The following BRAF variants were observed in gnomAD, a reference collection of about 807,000 sequenced individuals.
The protein encoded by BRAF is B-Raf proto-oncogene, serine/threonine kinase.
Under a neutral mutation model 104.6 loss-of-function variants are expected in BRAF, and 16 were observed. The observed-to-expected ratio is 0.15, with a 90% confidence interval of 0.10 to 0.23. The LOEUF (loss-of-function observed/expected upper bound fraction) is 0.23, where lower values mean the gene tolerates loss of function less well. BRAF is among the 10% of genes least tolerant of loss of function. The pLI is 1.00. For synonymous variants in BRAF, 310 were observed against 341.6 expected (o/e 0.91, Z 1.02); for missense variants, 541 against 937.3 (o/e 0.58, Z 5.52).
At chr7:140,787,606 T>C (rs373680409) in intron 8 of BRAF, 22 bp from the exon 9 acceptor site, 14 of 1,601,738 alleles carry the variant, frequency 8.7e-6, no homozygotes, top group Non-Finnish European at 1.2e-5. Flanking sequence ...TAGTAATGTA[T>C]ATTTATTCCA....
intron 8 of BRAF, 21 bp from the exon 9 acceptor site, chr7:140,787,605 A>G (rs1285775712): frequency 8.1e-6 from 13 of 1,596,878 alleles, no homozygotes; most frequent in Middle Eastern, 1.7e-4. Flanking sequence ...ATAGTAATGT[A>G]TATTTATTCC....
intron 14 of BRAF, among the ~76,000 whole-genome samples, chr7:140,770,184 G>T (rs375651213): frequency 2.0e-5 from 3 of 151,628 alleles, no homozygotes; most frequent in African/African-American, 7.3e-5. Flanking sequence ...TATTTTTACC[G>T]ACCAGAAAAT....
intron 3 of BRAF, among the ~76,000 whole-genome samples, chr7:140,827,466 C>T (rs1806186518): frequency 6.6e-6 from 1 of 152,088 alleles, no homozygotes; most frequent in South Asian, 2.1e-4. Context: ...AGAATAGGTC[C>T]ATAGTTAAAA....
At chr7:140,799,992 CTGACTGGTGTGATAAAATAAGTTATT>C in intron 7 of BRAF, 1 of 403,920 alleles carries the variant, frequency 2.5e-6, no homozygotes, top group South Asian at 2.6e-5. Flanking sequence ...AAGTAAATAT[CTGACTGGTGTGATAAAATAAGTTATT>C]TGGGGAAAAG....
rs766830664 is a variant in BRAF, at chr7:140,792,913, T to C, written c.1140+1395A>G. ...AAAAGTTTTGGAACAAGAGAACAGATGATGCTAGAAGTGTAAAAAAATTCT... is the reference window on the plus strand; with the variant it reads ...AAAAGTTTTGGAACAAGAGAACAGACGATGCTAGAAGTGTAAAAAAATTCT... On this transcript the variant is annotated intron_variant, in intron 8 of 19. Coordinates refer to ENST00000644969, the MANE Select transcript of BRAF (RefSeq NM_001374258.1). Among the ~76,000 whole-genome samples, 12 of 152,252 alleles carry C rather than the reference T, an allele frequency of 7.9e-5. 1 individual carries two copies. The highest frequency in any genetic ancestry group is 3.4e-3 in the Middle Eastern group (1 of 294).
Position 140,827,415 on chromosome 7 carries a change from G to C in BRAF, c.504+7194C>G, listed in dbSNP as rs116491599. On this transcript the variant is annotated intron_variant, in intron 3 of 19. Transcript: ENST00000644969. ...CCACTTCATGGCTTGAGGGTTCCTG[G>C]ACAATGCAGGCAGTATAAATTTGAA... 4.1e-3 allele frequency among the ~76,000 whole-genome samples: 617 copies of C among 152,256 alleles called. 7 individuals are homozygous for C. The highest frequency in any genetic ancestry group is 0.014 in the African/African-American group (572 of 41,532).
At chr7:140,786,713 A>G (rs80191287) in intron 9 of BRAF, among the ~76,000 whole-genome samples, 8,644 of 152,246 alleles carry the variant, frequency 0.057, 287 homozygotes, top group South Asian at 0.11. Context: ...ACACTTCCAG[A>G]AAGTTGAAGG....
At chr7:140,727,643 C>T (rs1416170155) in intron 19 of BRAF, among the ~76,000 whole-genome samples, 4 of 150,142 alleles carry the variant, frequency 2.7e-5, no homozygotes, top group Middle Eastern at 6.9e-3. Flanking sequence ...TTTTTTGAGA[C>T]GGAGTCTTGC....
chr7:140,909,666 A>C lies in BRAF; in HGVS notation c.138+14900T>G, dbSNP rs144477670. Among the ~76,000 whole-genome samples the C allele has an allele frequency of 6.6e-5, 10 of 152,234 alleles. No homozygotes were observed. In the East Asian group the frequency reaches 1.7e-3, roughly 26 times the overall value. On this transcript the variant is annotated intron_variant, in intron 1 of 19. Coordinates refer to ENST00000644969, the MANE Select transcript of BRAF (RefSeq NM_001374258.1). ...GTGGAGTACTCCTGATAAAGTTCTG[A>C]ACAAAAACTTTAACATTCCTCCAAT... is the stretch of plus-strand genomic sequence containing the variant.
chr7:140,734,923 T>A (rs1796288188), intron 18 of BRAF, among the ~76,000 whole-genome samples, 153 bp from the exon 18 acceptor site: 1 of 152,022 alleles, frequency 6.6e-6, no homozygotes, highest in Non-Finnish European at 1.5e-5. Context: ...CCTGAAATCT[T>A]ACATTGTTTT....
intron 1 of BRAF, among the ~76,000 whole-genome samples, chr7:140,886,223 T>A (rs1483421758): frequency 1.3e-5 from 2 of 152,218 alleles, no homozygotes; most frequent in African/African-American, 4.8e-5. Flanking sequence ...CTGTCATGAC[T>A]CTAGTCAAAA....
At chr7:140,870,247 G>A (rs980827546) in intron 1 of BRAF, among the ~76,000 whole-genome samples, 11 of 152,070 alleles carry the variant, frequency 7.2e-5, no homozygotes, top group African/African-American at 2.7e-4. Flanking sequence ...CAGCTATCCT[G>A]ACATCTGTTG....
Position 140,722,735 on chromosome 7 carries a change from T to C in BRAF, c.*3759A>G, listed in dbSNP as rs28729439. The C allele has an allele frequency of 1.0e-3, 1,080 of 1,050,704 alleles. 14 individuals carry two copies. In the African/African-American group the frequency reaches 0.016, roughly 15 times the overall value. The allele number at this position is 1,050,704 out of a possible 1,614,324, so 65.1% of individuals were successfully genotyped here. A position where few individuals can be genotyped will look rare whatever the true frequency, so the allele number is the denominator to read the frequency against. ...TGACAAAGCTGCAGCAAACTCATTA[T>C]GAGGATGTACTGTCATGCCAAGCCT... On this transcript the variant is annotated 3_prime_UTR_variant, in exon 20 of 20. Coordinates refer to ENST00000644969, the MANE Select transcript of BRAF (RefSeq NM_001374258.1).
chr7:140,790,467 TCAAA>T (rs1259776535), intron 8 of BRAF, among the ~76,000 whole-genome samples: 2 of 152,174 alleles, frequency 1.3e-5, no homozygotes, highest in Admixed American at 6.5e-5. Flanking sequence ...ACAAAAGCCA[TCAAA>T]CAACTTTTCT....
At chr7:140,921,639 G>T (rs1437485398) in intron 1 of BRAF, among the ~76,000 whole-genome samples, 1 of 151,796 alleles carries the variant, frequency 6.6e-6, no homozygotes, top group South Asian at 2.1e-4. Context: ...AGAACAGATG[G>T]AATACACCAA....
At chr7:140,850,336 T>C in intron 1 of BRAF, 124 bp from the exon 2 acceptor site, 1 of 704,444 alleles carries the variant, frequency 1.4e-6, no homozygotes, top group Non-Finnish European at 2.4e-6. Context: ...TTAGAGATCA[T>C]TTAGTACAGT....
In BRAF at chr7:140,722,793, A is replaced by C. The variant is rs1795379703; in HGVS notation, c.*3701T>G. 1 of 1,052,834 alleles carries C rather than the reference A, an allele frequency of 9.5e-7. No individual in the cohort carries two copies. The highest frequency in any genetic ancestry group is 4.6e-5 in the South Asian group (1 of 21,876). The allele number at this position is 1,052,834 out of a possible 1,614,324, so 65.2% of individuals were successfully genotyped here. On this transcript the variant is annotated 3_prime_UTR_variant, in exon 20 of 20. Transcript: ENST00000644969. ...ATTAAAATTACATCACTGTTAGTGAAGTGATACCACAGCTATTTAATTTCA... is the reference window on the plus strand; with the variant it reads ...ATTAAAATTACATCACTGTTAGTGACGTGATACCACAGCTATTTAATTTCA...
chr7:140,797,938 A>G (rs1161778130), intron 7 of BRAF, among the ~76,000 whole-genome samples: 3 of 152,244 alleles, frequency 2.0e-5, no homozygotes, highest in East Asian at 1.9e-4. Flanking sequence ...TGACTCCACT[A>G]GAAGAGATAA....
chr7:140,853,500 T>C (rs1364235497), intron 1 of BRAF, among the ~76,000 whole-genome samples: 1 of 152,128 alleles, frequency 6.6e-6, no homozygotes, highest in Non-Finnish European at 1.5e-5. Flanking sequence ...TTCTTATTGT[T>C]CTCCCGTCAC....
Sources: gnomAD v4.1 joint callset for allele counts (sites outside exome capture counted in the v4.1 genomes callset) on GRCh38, gnomAD v4.1.1 for gene constraint, MANE v1.5 for transcripts, NCBI Gene and HGNC (gene_info 2026-07-23, HGNC 2026-07-21) for gene names.